The following LRPPRC variants were observed in gnomAD, a reference collection of about 807,000 sequenced individuals.
LRPPRC encodes leucine-rich PPR motif-containing protein, mitochondrial.
LRPPRC carries 120 observed loss-of-function variants against 180.3 expected under a neutral mutation model. The observed-to-expected ratio is 0.67, with a 90% CI of 0.57 to 0.77. The LOEUF (loss-of-function observed/expected upper bound fraction) is 0.77, where lower values mean the gene tolerates loss of function less well. LRPPRC is among the 30% of genes least tolerant of loss of function. The probability of loss-of-function intolerance (pLI) is 0.00; values close to 1 mark genes in which losing one functional copy is unlikely to be tolerated. For missense variants in LRPPRC, 2,012 were observed against 1,657.2 expected (o/e 1.21, Z -3.72); for synonymous variants, 723 against 600.0 (o/e 1.21, Z -3.00).
intron 29 of LRPPRC, among the ~76,000 whole-genome samples, chr2:43,913,118 A>G (rs1671323003): frequency 6.6e-6 from 1 of 152,204 alleles, no homozygotes; most frequent in African/African-American, 2.4e-5. Context: ...ATACAAAAAC[A>G]TACAATTTTC....
intron 23 of LRPPRC, among the ~76,000 whole-genome samples, chr2:43,940,863 G>A (rs946925447): frequency 1.8e-4 from 27 of 152,010 alleles, no homozygotes; most frequent in Admixed American, 1.8e-3. Context: ...TCATCTCCAT[G>A]AATCAGGCAT....
At chr2:43,945,285 T>C in intron 22 of LRPPRC, 47 bp downstream of exon 22, 1 of 1,211,480 alleles carries the variant, frequency 8.3e-7, no homozygotes, top group Non-Finnish European at 1.2e-6. Flanking sequence ...GTTATTCCAG[T>C]GGCAAGATAC....
chr2:43,905,328 G>A (rs1671033248), intron 31 of LRPPRC, among the ~76,000 whole-genome samples: 1 of 152,152 alleles, frequency 6.6e-6, no homozygotes, highest in Non-Finnish European at 1.5e-5. Context: ...ATGCTCTAAA[G>A]TATGTTAATT....
At chr2:43,956,851 C>T (rs1266109190) in intron 14 of LRPPRC, among the ~76,000 whole-genome samples, 1 of 152,184 alleles carries the variant, frequency 6.6e-6, no homozygotes, top group African/African-American at 2.4e-5. Flanking sequence ...GATCACACCA[C>T]TGCATTGCAG....
At chr2:43,954,063 T>C (rs1050849646) in intron 14 of LRPPRC, among the ~76,000 whole-genome samples, 2 of 152,202 alleles carry the variant, frequency 1.3e-5, no homozygotes, top group African/African-American at 4.8e-5. Context: ...CACCCTCTTT[T>C]TATAGGGCTA....
chr2:43,921,035 T>C (rs947379183), intron 27 of LRPPRC, among the ~76,000 whole-genome samples: 2 of 152,200 alleles, frequency 1.3e-5, no homozygotes, highest in Admixed American at 1.3e-4. Flanking sequence ...CTCGTGTCTG[T>C]AATCCCAGCA....
chr2:43,924,732 A>G (rs749045984), intron 27 of LRPPRC, among the ~76,000 whole-genome samples: 2 of 152,184 alleles, frequency 1.3e-5, no homozygotes. Flanking sequence ...ACCTATTTAT[A>G]AAAGTCACCA....
At chr2:43,933,188 G>C (rs958701932) in intron 25 of LRPPRC, among the ~76,000 whole-genome samples, 5 of 152,324 alleles carry the variant, frequency 3.3e-5, no homozygotes, top group Non-Finnish European at 7.4e-5. Flanking sequence ...AATGGAAAGA[G>C]AAGAAAGTTC....
At chr2:43,985,851 G>A (rs1674506378) in intron 1 of LRPPRC, among the ~76,000 whole-genome samples, 1 of 152,116 alleles carries the variant, frequency 6.6e-6, no homozygotes, top group African/African-American at 2.4e-5. Context: ...AATACCTAAT[G>A]GTAAATCTAT....
chr2:43,977,309 A>T, intron 3 of LRPPRC, 33 bp from the exon 4 acceptor site: 1 of 1,562,138 alleles, frequency 6.4e-7, no homozygotes, highest in Non-Finnish European at 8.8e-7. Flanking sequence ...ATTTTTAGAA[A>T]AGCATTGAAA....
chr2:43,930,191 GT>G (rs893800480), intron 25 of LRPPRC, among the ~76,000 whole-genome samples: 2 of 151,866 alleles, frequency 1.3e-5, no homozygotes, highest in African/African-American at 4.8e-5. Flanking sequence ...AGATCAAAAT[GT>G]ACTCCGGCTG....
At chr2:43,996,110 CG>C (rs1675063356), upstream of LRPPRC, 4 of 600,796 alleles carry the variant, frequency 6.7e-6, no homozygotes, top group East Asian at 9.9e-5. Flanking sequence ...CGCACTTCTC[CG>C]AGGACAGAAG....
intron 23 of LRPPRC, among the ~76,000 whole-genome samples, chr2:43,943,080 C>T (rs1319299034): frequency 1.3e-5 from 2 of 152,106 alleles, no homozygotes; most frequent in Non-Finnish European, 2.9e-5. Flanking sequence ...TGATAAATTA[C>T]GCTTAGTCAT....
chr2:43,932,191 A>G (rs1672117504), intron 25 of LRPPRC, among the ~76,000 whole-genome samples: 2 of 150,890 alleles, frequency 1.3e-5, no homozygotes, highest in South Asian at 4.2e-4. Context: ...ATAACACATG[A>G]TACATGTATG....
Position 43,967,694 on chromosome 2 carries a change from AAAT to A in LRPPRC, c.1370-3991_1370-3989del, listed in dbSNP as rs150288608. 4.7e-3 allele frequency among the ~76,000 whole-genome samples: 718 copies of A among 152,246 alleles called. 2 individuals carry two copies. The highest frequency in any genetic ancestry group is 0.011 in the East Asian group (56 of 5,174). On this transcript the variant is annotated intron_variant, in intron 11 of 37. Transcript: ENST00000260665. ...GGACAACAGAGCGAGACTCGGTCTCAAATAATAATAATAATGTTTTTTAAAATC... is the reference window on the plus strand; with the variant it reads ...GGACAACAGAGCGAGACTCGGTCTCAAATAATAATAATGTTTTTTAAAATC...
At position 43,957,224 on chromosome 2, in the gene LRPPRC, A is replaced by G. The variant is rs188998497; in HGVS notation, c.1649+161T>C. ...CACAAAGCTGCCTAAATTTAATTCA[A>G]TGACTTAAAAGAAAAAATTAAACAA... On this transcript the variant is annotated intron_variant, in intron 14 of 37. Transcript: ENST00000260665. Among the ~76,000 whole-genome samples the G allele has an allele frequency of 2.6e-5, 4 of 152,374 alleles. No individual in the cohort carries two copies. In the East Asian group the frequency reaches 7.7e-4, roughly 29 times the overall value.
chr2:43,893,586 T>C (rs1423397941), intron 36 of LRPPRC, among the ~76,000 whole-genome samples: 1 of 152,232 alleles, frequency 6.6e-6, no homozygotes, highest in East Asian at 1.9e-4. Flanking sequence ...AAAAACATAA[T>C]GCTATTGCAC....
rs1671541930 is a variant in LRPPRC at position 43,918,078 on chromosome 2, T to C, written c.3095A>G (p.Glu1032Gly). Residue 1032 changes from glutamate to glycine, a missense_variant, in exon 29 of 38, where the codon GAA becomes GGA. By Grantham distance (98) the Glu-to-Gly change is moderately conservative. Coordinates refer to ENST00000260665, the MANE Select transcript of LRPPRC (RefSeq NM_133259.4). ...SLNSSSASTTEPDFQKDILIA... is the reference protein window; with the variant it reads ...SLNSSSASTTGPDFQKDILIA... ...CAATATATCTTTCTGGAAATCAGGT[T>C]CTGTGGTTGAGGCTGACGAAGAATT... 6.2e-7 allele frequency: 1 copy of C among 1,613,938 alleles called. No individual in the cohort carries two copies. Among genetic ancestry groups the C allele is most frequent in the Non-Finnish European group, 8.5e-7 (1 of 1,179,980 alleles).
chr2:43,968,565 T>C (rs1673659096), intron 11 of LRPPRC, among the ~76,000 whole-genome samples: 2 of 152,216 alleles, frequency 1.3e-5, no homozygotes, highest in Non-Finnish European at 2.9e-5. Flanking sequence ...GGTTTGGGTG[T>C]GCTTCTCTAC....
Sources: gnomAD v4.1 joint callset for allele counts (sites outside exome capture counted in the v4.1 genomes callset) on GRCh38, gnomAD v4.1.1 for gene constraint, MANE v1.5 for transcripts, NCBI Gene and HGNC (gene_info 2026-07-23, HGNC 2026-07-21) for gene names.